Variants in BBS2 observed in about 807,000 individuals in gnomAD.
BBS2 encodes BBSome complex member BBS2.
BBS2 carries 62 observed loss-of-function variants against 83.0 expected under a neutral mutation model. The ratio of observed to expected loss-of-function variants is 0.75; its 90% CI spans 0.61 to 0.92. The LOEUF (loss-of-function observed/expected upper bound fraction) is 0.92, where lower values mean the gene tolerates loss of function less well. BBS2 is among the 40% of genes least tolerant of loss of function. BBS2 has a pLI of 0.00. For synonymous variants in BBS2, 303 were observed against 326.1 expected, an observed-to-expected ratio of 0.93 and a Z score of 0.76; for missense variants, 784 against 901.0, an observed-to-expected ratio of 0.87 and a Z score of 1.66.
chr16:56,499,986 C>A, intron 11 of BBS2, 79 bp from the exon 12 acceptor site: 1 of 1,556,294 alleles, frequency 6.4e-7, no homozygotes. Context: ...GAAAATAAAG[C>A]CACTTCTGGG....
At chr16:56,497,224 A>G in intron 14 of BBS2, 145 bp from the exon 15 acceptor site, 1 of 700,672 alleles carries the variant, frequency 1.4e-6, no homozygotes, top group South Asian at 1.5e-5. Flanking sequence ...CCGTTATTTC[A>G]TCTCTGTCTC....
chr16:56,502,200 T>C (rs1367656045), intron 9 of BBS2, 117 bp downstream of exon 9: 4 of 1,390,364 alleles, frequency 2.9e-6, no homozygotes, highest in East Asian at 4.6e-5. Context: ...ATTCTGACAA[T>C]GGCAAAAAGG....
At chr16:56,489,669 G>A (rs1213431241) in intron 15 of BBS2, among the ~76,000 whole-genome samples, 9 of 151,728 alleles carry the variant, frequency 5.9e-5, no homozygotes, top group Non-Finnish European at 1.2e-4. Flanking sequence ...GCATGGTGGC[G>A]CATGCCTGTA....
chr16:56,490,153 A>C (rs555454818), intron 15 of BBS2, among the ~76,000 whole-genome samples: 246 of 137,724 alleles, frequency 1.8e-3, no homozygotes, highest in African/African-American at 5.9e-3. Flanking sequence ...CACACACAAA[A>C]ATAATAATAA....
chr16:56,515,722 A>G (rs1463531489), intron 1 of BBS2, among the ~76,000 whole-genome samples: 1 of 152,272 alleles, frequency 6.6e-6, no homozygotes, highest in African/African-American at 2.4e-5. Flanking sequence ...GACTAAAAAC[A>G]TAGAAAACGT....
intron 17 of BBS2, among the ~76,000 whole-genome samples, chr16:56,475,159 G>A (rs1176643096): frequency 6.6e-6 from 1 of 152,186 alleles, no homozygotes; most frequent in Non-Finnish European, 1.5e-5. Context: ...AGGAAATGGG[G>A]AGATGGACCA....
intron 12 of BBS2, 89 bp downstream of exon 12, chr16:56,499,689 C>T: frequency 3.9e-6 from 6 of 1,556,934 alleles, no homozygotes; most frequent in Non-Finnish European, 5.3e-6. Context: ...ACCAATATAA[C>T]ACATTAATGT....
chr16:56,514,821 T>A, intron 1 of BBS2, 141 bp from the exon 2 acceptor site: 2 of 664,820 alleles, frequency 3.0e-6, no homozygotes, highest in Non-Finnish European at 5.2e-6. Context: ...AAAACACTCG[T>A]ACATAGTTCA....
At position 56,519,988 on chromosome 16, in the gene BBS2, C is replaced by T. The variant is rs933871748; in HGVS notation, c.-126G>A. The stretch of plus-strand genomic sequence containing the variant: ...GGCCCCAGCCGCCTCAGGCCGGACG[C>T]GAAACAGCCCGGGACGAACCCGTCC... On this transcript the variant is annotated 5_prime_UTR_variant, in exon 1 of 17. Transcript: ENST00000245157. The T allele has an allele frequency of 2.2e-5, 18 of 820,114 alleles. No homozygotes were observed. Among genetic ancestry groups the T allele is most frequent in the South Asian group, 2.2e-4 (15 of 69,228 alleles). The allele number at this position is 820,114 out of a possible 1,614,324, so 50.8% of individuals were successfully genotyped here.
rs1382966694 is a variant in BBS2, at chr16:56,500,892, C to T, written c.1359G>A (p.Val453=). The part of the protein sequence containing the change: ...IPIVPPKDVP[V]DLHLKAFVGY... ...CCACGAATGCCTTCAAGTGCAGATC[C>T]ACAGGGACATCTTTGGGAGGCACAA... Residue 453 remains valine, a synonymous_variant, in exon 11 of 17, where the codon GTG becomes GTA. Coordinates refer to ENST00000245157, the MANE Select transcript of BBS2 (RefSeq NM_031885.5). 1.9e-6 allele frequency: 3 copies of T among 1,613,978 alleles called. No individual in the cohort carries two copies. In the East Asian group the frequency reaches 6.7e-5, roughly 36 times the overall value.
chr16:56,495,311 AT>A (rs1171482334), intron 15 of BBS2, among the ~76,000 whole-genome samples: 1 of 152,256 alleles, frequency 6.6e-6, no homozygotes, highest in Non-Finnish European at 1.5e-5. Flanking sequence ...GGCTGATAAT[AT>A]CATAAAAAGA....
At chr16:56,508,617 T>C (rs1241282782) in intron 5 of BBS2, among the ~76,000 whole-genome samples, 1 of 152,140 alleles carries the variant, frequency 6.6e-6, no homozygotes, top group South Asian at 2.1e-4. Context: ...TTTGTCTTTA[T>C]TTTCCTAACT....
Position 56,484,782 on chromosome 16 carries a change from T to G in BBS2, c.2145A>C (p.Arg715=). 6.2e-7 allele frequency: 1 copy of G among 1,613,920 alleles called. No homozygotes were observed. Among genetic ancestry groups the G allele is most frequent in the Non-Finnish European group, 8.5e-7 (1 of 1,179,832 alleles). Residue 715 remains arginine, a synonymous_variant, in exon 17 of 17, where the codon CGA becomes CGC. Transcript: ENST00000245157. ...NNINTLFKIM[R]VGTASS ...TCACCTAGGAAGAAGCTGTCCCCAC[T>G]CGCATGATTTTGAACAGTGTGTTGA...
intron 15 of BBS2, among the ~76,000 whole-genome samples, chr16:56,493,445 T>A (rs1309852764): frequency 2.0e-5 from 3 of 150,248 alleles, no homozygotes; most frequent in Non-Finnish European, 1.5e-5. Context: ...ATACTATGAC[T>A]TAATCTAAGA....
intron 17 of BBS2, chr16:56,476,094 C>CA (rs1567558577): frequency 1.2e-6 from 2 of 1,613,924 alleles, no homozygotes; most frequent in Non-Finnish European, 1.7e-6. Context: ...TCTACAGAGA[C>CA]AGAGAGACTC....
chr16:56,491,930 GACA>G (rs113009374), intron 15 of BBS2, among the ~76,000 whole-genome samples: 18 of 151,726 alleles, frequency 1.2e-4, no homozygotes, highest in African/African-American at 3.1e-4. Context: ...TCAAAAAAAA[GACA>G]ACAAGTGTTG....
intron 17 of BBS2, chr16:56,477,687 A>G (rs577333632): frequency 6.6e-6 from 1 of 152,258 alleles, no homozygotes; most frequent in East Asian, 1.9e-4. Flanking sequence ...TGGATGAAAG[A>G]TGCTGTTCTC....
rs766476238 is a variant in BBS2 at position 56,485,668 on chromosome 16, G to A, written c.1981C>T (p.Arg661Cys). ...AACAGCTCTGTGTGATTGTTACAGC[G>A]AATTTTATATCCATTTAGCAAGTCT... ...NRDLLNGYKI[R>C]CNNHTELLGN... Residue 661 changes from arginine (R) to cysteine (C), a missense_variant, in exon 16 of 17, where the codon CGC becomes TGC. By Grantham distance (180) the Arg-to-Cys change is radical. Coordinates refer to ENST00000245157, the MANE Select transcript of BBS2 (RefSeq NM_031885.5). The A allele has an allele frequency of 1.2e-5, 20 of 1,613,612 alleles. 1 individual carries two copies. Among genetic ancestry groups the A allele is most frequent in the South Asian group, 7.7e-5 (7 of 91,066 alleles).
At chr16:56,498,705 A>AT in intron 12 of BBS2, 137 bp from the exon 13 acceptor site, 3 of 1,527,644 alleles carry the variant, frequency 2.0e-6, no homozygotes, top group Non-Finnish European at 2.6e-6. Flanking sequence ...TGCTTTGTTG[A>AT]GAAAAAAAAA....
Sources: gnomAD v4.1 joint callset for allele counts (sites outside exome capture counted in the v4.1 genomes callset) on GRCh38, gnomAD v4.1.1 for gene constraint, MANE v1.5 for transcripts, NCBI Gene and HGNC (gene_info 2026-07-23, HGNC 2026-07-21) for gene names.